TOP2A: variants seen among roughly 807,000 people sequenced by gnomAD.
TOP2A encodes DNA topoisomerase 2-alpha.
Under a neutral mutation model 187.2 loss-of-function variants are expected in TOP2A, and 68 were observed. The ratio of observed to expected loss-of-function variants is 0.36; its 90% confidence interval spans 0.30 to 0.44. The LOEUF is 0.44. Ranked by LOEUF, TOP2A falls within the 20% of genes least tolerant of loss-of-function variation. The probability of loss-of-function intolerance (pLI) is 1.00; values close to 1 mark genes in which losing one functional copy is unlikely to be tolerated. For synonymous variants in TOP2A, 542 were observed against 593.2 expected (o/e 0.91, Z 1.25); for missense variants, 1,196 against 1,808.7 (o/e 0.66, Z 6.14).
At chr17:40,397,820 C>G (rs555284954) in intron 27 of TOP2A, among the ~76,000 whole-genome samples, 1 of 150,364 alleles carries the variant, frequency 6.7e-6, no homozygotes, top group Admixed American at 6.6e-5. Context: ...CTCTTGTTGC[C>G]CAGGCTGGAG....
At chr17:40,404,537 G>T in intron 17 of TOP2A, 46 bp from the exon 18 acceptor site, 2 of 1,121,110 alleles carry the variant, frequency 1.8e-6, no homozygotes, top group Non-Finnish European at 1.3e-6. Flanking sequence ...TCTAAACAAT[G>T]CTCAACACAA....
intron 24 of TOP2A, among the ~76,000 whole-genome samples, chr17:40,399,429 C>T (rs2035146837): frequency 6.6e-6 from 1 of 152,092 alleles, no homozygotes. Flanking sequence ...CAGCCTTGAC[C>T]TCCCCAGCTC....
In TOP2A at chr17:40,396,329, A is replaced by G. The variant is rs754958514; in HGVS notation, c.3674T>C (p.Ile1225Thr). Reference sequence around the variant, plus strand: ...CTTTTCTGCCTCTGCTTTCATTTCTATGGTTATTCGTGGAATGACTCTTTG... The same window carrying G: ...CTTTTCTGCCTCTGCTTTCATTTCTGTGGTTATTCGTGGAATGACTCTTTG... The part of the protein sequence containing the change: ...RGQRVIPRIT[I>T]EMKAEAEKKN... Residue 1225 changes from isoleucine to threonine, a missense_variant, in exon 28 of 35, where the codon ATA becomes ACA. Physicochemically the swap from Ile to Thr is moderately conservative, Grantham distance 89. Transcript: ENST00000423485. The G allele has an allele frequency of 6.2e-6, 10 of 1,612,224 alleles. No homozygotes were observed. The highest frequency in any genetic ancestry group is 1.1e-5 in the South Asian group (1 of 91,010).
chr17:40,398,322 T>C (rs2035128723), intron 27 of TOP2A, among the ~76,000 whole-genome samples: 1 of 152,030 alleles, frequency 6.6e-6, no homozygotes, highest in South Asian at 2.1e-4. Context: ...CAGGCTGGTC[T>C]TGAACCCCTG....
At position 40,389,639 on chromosome 17, in the gene TOP2A, C is replaced by T. The variant is rs1200513076; in HGVS notation, c.4476G>A (p.Lys1492=). 23 of 1,608,906 alleles carry T rather than the reference C, an allele frequency of 1.4e-5. No homozygotes were observed. Among genetic ancestry groups the T allele is most frequent in the Non-Finnish European group, 1.9e-5 (22 of 1,177,906 alleles). The part of the protein sequence containing the change: ...VSKAVTSKKS[K]GESDDFHMDF... ...CCATATGGAAGTCATCACTCTCCCCCTTGGATTTCTAAAAGAGAAAAGCCC... is the reference window on the plus strand; with the variant it reads ...CCATATGGAAGTCATCACTCTCCCCTTTGGATTTCTAAAAGAGAAAAGCCC... Residue 1492 remains lysine, a synonymous_variant, in exon 35 of 35, where the codon AAG becomes AAA. Transcript: ENST00000423485.
Position 40,396,362 on chromosome 17 carries a change from G to T in TOP2A, c.3641C>A (p.Pro1214Gln), listed in dbSNP as rs970752438. ...TCGTGGAATGACTCTTTGACCACGC[G>T]GAGAAGGCAAAACTTCAGCCATTTG... ...KTQMAEVLPS[P>Q]RGQRVIPRIT... is the part of the protein sequence containing the mutation. The change falls in exon 28 of 35, where the codon CCG becomes CAG. Residue 1214 changes from proline (P) to glutamine (Q), a missense_variant. Around this residue, in one of 10 missense-constraint regions of TOP2A, gnomAD observed 374 missense variants for 403.3 expected, o/e 0.93. Transcript: ENST00000423485. 5.0e-6 allele frequency: 8 copies of T among 1,613,622 alleles called. No individual in the cohort carries two copies. The African/African-American group carries it at 1.1e-4, about 22-fold the overall frequency.
In TOP2A at chr17:40,413,234, C is replaced by A; in HGVS notation, c.537G>T (p.Val179=). Residue 179 remains valine (V), a synonymous_variant, in exon 6 of 35, where the codon GTG becomes GTT. Transcript: ENST00000423485. The part of the protein sequence containing the change: ...LCNIFSTKFT[V]ETASREYKKM... The stretch of plus-strand genomic sequence containing the variant: ...TCTTGTATTCTCTACTGGCTGTTTC[C>A]ACAGTAAATTTGGTACTGAATATGT... 6.4e-7 allele frequency: 1 copy of A among 1,566,122 alleles called. No homozygotes were observed.
chr17:40,392,565 T>C lies in TOP2A; in HGVS notation c.3964+20A>G. ...TTCCACTCTTACAGTTTATCTATAA[T>C]GTTCTTTAGTTTTCCTTACTTGCTG... On this transcript the variant is annotated intron_variant, in intron 30 of 34. Coordinates refer to ENST00000423485, the MANE Select transcript of TOP2A (RefSeq NM_001067.4). 3 of 1,600,660 alleles carry C rather than the reference T, an allele frequency of 1.9e-6. No individual in the cohort carries two copies. Among genetic ancestry groups the C allele is most frequent in the South Asian group, 1.1e-5 (1 of 88,352 alleles).
intron 11 of TOP2A, 27 bp from the exon 12 acceptor site, chr17:40,408,151 T>C: frequency 6.6e-7 from 1 of 1,514,086 alleles, no homozygotes; most frequent in Non-Finnish European, 8.9e-7. Context: ...CATATTAATA[T>C]TAGCACATTT....
In TOP2A at chr17:40,395,437, A is replaced by G. The variant is rs753457345; in HGVS notation, c.3811+12T>C. ...TTCACTTTATACCATTTTTCTAAAAATGTTGTAATACCTGGTTCTCTTTTC... is the reference window on the plus strand; with the variant it reads ...TTCACTTTATACCATTTTTCTAAAAGTGTTGTAATACCTGGTTCTCTTTTC... On this transcript the variant is annotated intron_variant, in intron 29 of 34. Coordinates refer to ENST00000423485, the MANE Select transcript of TOP2A (RefSeq NM_001067.4). The G allele has an allele frequency of 6.4e-7, 1 of 1,566,706 alleles. No individual in the cohort carries two copies. Among genetic ancestry groups the G allele is most frequent in the Non-Finnish European group, 8.7e-7 (1 of 1,144,504 alleles).
intron 28 of TOP2A, among the ~76,000 whole-genome samples, chr17:40,396,055 C>CCAAGG (rs2035093185): frequency 6.6e-6 from 1 of 150,588 alleles, no homozygotes; most frequent in Non-Finnish European, 1.5e-5. Context: ...CCTTGGCTCA[C>CCAAGG]TGCAACCTCT....
chr17:40,392,883 G>C, intron 29 of TOP2A, 146 bp from the exon 30 acceptor site: 1 of 734,200 alleles, frequency 1.4e-6, no homozygotes, highest in Non-Finnish European at 2.2e-6. Context: ...CTCTGTTTTT[G>C]TGGTGCATAT....
chr17:40,389,571 G>A lies in TOP2A; in HGVS notation c.4544C>T (p.Ala1515Val). ...AVAPRAKSVR[A>V]KKPIKYLEES... Reference sequence around the variant, plus strand: ...TTCCAGGTACTTTATAGGTTTCTTTGCCCGTACAGATTTTGCCCGAGGAGC... The same window carrying A: ...TTCCAGGTACTTTATAGGTTTCTTTACCCGTACAGATTTTGCCCGAGGAGC... The change falls in exon 35 of 35, where the codon GCA (alanine) becomes GTA (valine). Residue 1515 changes from alanine (A) to valine (V), a missense_variant. Ala to Val is a moderately conservative substitution (Grantham distance 64, BLOSUM62 0). This residue lies in a region of TOP2A where 374 missense variants were observed against 403.3 expected (regional missense o/e 0.93). Transcript: ENST00000423485. 1 of 1,602,798 alleles carries A rather than the reference G, an allele frequency of 6.2e-7. No individual in the cohort carries two copies. Among genetic ancestry groups the A allele is most frequent in the East Asian group, 2.2e-5 (1 of 44,680 alleles).
chr17:40,402,703 G>A (rs569398866), intron 20 of TOP2A, among the ~76,000 whole-genome samples: 1 of 152,110 alleles, frequency 6.6e-6, no homozygotes, highest in Non-Finnish European at 1.5e-5. Context: ...TCTACATCAG[G>A]ATTTCTCAAC....
chr17:40,406,539 G>C, intron 15 of TOP2A, 45 bp downstream of exon 15: 3 of 1,604,090 alleles, frequency 1.9e-6, no homozygotes, highest in Non-Finnish European at 2.6e-6. Context: ...TCTTGTACAG[G>C]GTGTATAATA....
intron 14 of TOP2A, 56 bp downstream of exon 14, chr17:40,406,776 A>G (rs2143665623): frequency 2.5e-6 from 4 of 1,572,606 alleles, no homozygotes; most frequent in Non-Finnish European, 3.5e-6. Flanking sequence ...ATGTATATCC[A>G]GGTTTGAGGA....
intron 29 of TOP2A, among the ~76,000 whole-genome samples, chr17:40,395,081 G>A (rs1435924403): frequency 6.6e-6 from 1 of 151,952 alleles, no homozygotes; most frequent in Non-Finnish European, 1.5e-5. Context: ...TCAGGAGTTT[G>A]AGACCAGCCT....
In TOP2A at chr17:40,388,929, AGTGTTTTTCTTCGGCCT is replaced by A. The variant is rs1223699314; in HGVS notation, c.*573_*589del. The A allele has an allele frequency of 4.8e-6, 1 of 207,584 alleles. No individual in the cohort carries two copies. The highest frequency in any genetic ancestry group is 9.8e-6 in the Non-Finnish European group (1 of 101,636). 12.9% of individuals were successfully genotyped at this position (207,584 alleles called of 1,614,324 possible). A position where few individuals can be genotyped will look rare whatever the true frequency, so the allele number is the denominator to read the frequency against. ...TGTGTCAAGTTATAGACACAGCCAA[AGTGTTTTTCTTCGGCCT>A]CTGATGATTTGAGAAGATGAAGAAC... On this transcript the variant is annotated 3_prime_UTR_variant, in exon 35 of 35. Coordinates refer to ENST00000423485, the MANE Select transcript of TOP2A (RefSeq NM_001067.4).
chr17:40,399,926 G>A lies in TOP2A; in HGVS notation c.3142C>T (p.Leu1048=). 6.2e-7 allele frequency: 1 copy of A among 1,612,390 alleles called. No homozygotes were observed. The highest frequency in any genetic ancestry group is 8.5e-7 in the Non-Finnish European group (1 of 1,179,292). Residue 1048 remains leucine, a synonymous_variant, in exon 24 of 35, where the codon CTG becomes TTG. Transcript: ENST00000423485. ...LGMLGAESAK[L]NNQARFILEK... is the part of the protein sequence containing the mutation. ...AAGATAAAGCGAGCCTGATTATTCA[G>A]TTTAGCAGATTCAGCACCAAGCATT...
Sources: allele counts gnomAD v4.1 joint callset (sites outside exome capture counted in the v4.1 genomes callset), GRCh38; gene constraint gnomAD v4.1.1; regional missense constraint gnomAD v4.1.1; transcripts MANE v1.5; gene names NCBI Gene and HGNC (gene_info 2026-07-23, HGNC 2026-07-21).